PPP4R3B: variants seen among roughly 807,000 people sequenced by gnomAD.
PPP4R3B encodes the protein protein phosphatase 4 regulatory subunit 3B.
PPP4R3B carries 52 observed loss-of-function variants against 95.4 expected under a neutral mutation model. The observed-to-expected ratio is 0.54, with a 90% CI of 0.44 to 0.69. The LOEUF is 0.69. Among genes scored for constraint, PPP4R3B ranks in the 30% least tolerant of loss-of-function variants. The pLI is 0.00. For synonymous variants in PPP4R3B, 407 were observed against 343.9 expected, an observed-to-expected ratio of 1.18 and a Z score of -2.03; for missense variants, 1,003 against 1,005.9, an observed-to-expected ratio of 1.00 and a Z score of 0.04.
chr2:55,589,985 T>C (rs1193495069), intron 4 of PPP4R3B, among the ~76,000 whole-genome samples: 1 of 144,450 alleles, frequency 6.9e-6, no homozygotes, highest in African/African-American at 2.5e-5. Context: ...ATATATTTAA[T>C]ATATTATATA....
At chr2:55,607,388 C>T (rs1216990377) in intron 2 of PPP4R3B, among the ~76,000 whole-genome samples, 3 of 152,200 alleles carry the variant, frequency 2.0e-5, no homozygotes, top group Non-Finnish European at 4.4e-5. Flanking sequence ...CTGTTTCCAA[C>T]CAAACGGCTA....
intron 2 of PPP4R3B, among the ~76,000 whole-genome samples, chr2:55,613,090 G>A (rs1274442293): frequency 6.6e-6 from 1 of 152,074 alleles, no homozygotes; most frequent in African/African-American, 2.4e-5. Flanking sequence ...CAGCCTAAGG[G>A]ACAGAAGAAG....
intron 4 of PPP4R3B, among the ~76,000 whole-genome samples, chr2:55,589,189 C>T (rs1215318208): frequency 6.6e-6 from 1 of 152,196 alleles, no homozygotes; most frequent in Non-Finnish European, 1.5e-5. Flanking sequence ...CTACAAATAA[C>T]TCTCTGGAAA....
intron 3 of PPP4R3B, among the ~76,000 whole-genome samples, chr2:55,600,770 T>C (rs1290745821): frequency 1.3e-5 from 2 of 150,340 alleles, no homozygotes; most frequent in South Asian, 2.1e-4. Flanking sequence ...AAAAATAAAA[T>C]TTAAAAAAAC....
In PPP4R3B at chr2:55,560,778, GAAAAAAAAAAAA is replaced by G. The variant is rs545517387; in HGVS notation, c.2261-1822_2261-1811del. 8.8e-5 allele frequency among the ~76,000 whole-genome samples: 8 copies of G among 91,420 alleles called. No homozygotes were observed. In the East Asian group the frequency reaches 2.0e-3, roughly 22 times the overall value. 60.0% of individuals were successfully genotyped at this position (91,420 alleles called of 152,430 possible). ...GGCAACAGAGAGAGACTCCATCTCAGAAAAAAAAAAAAAAAAAAAAAAAAAAAAAAAAAGAGG... is the reference window on the plus strand; with the variant it reads ...GGCAACAGAGAGAGACTCCATCTCAGAAAAAAAAAAAAAAAAAAAAAGAGG... On this transcript the variant is annotated intron_variant, in intron 15 of 16. Transcript: ENST00000616407.
intron 4 of PPP4R3B, among the ~76,000 whole-genome samples, chr2:55,595,540 TAA>T (rs1361411284): frequency 6.6e-6 from 1 of 151,830 alleles, no homozygotes; most frequent in Non-Finnish European, 1.5e-5. Context: ...CATTTTAAAA[TAA>T]GTCATTTTAT....
chr2:55,583,564 T>C (rs1173052673), intron 7 of PPP4R3B, among the ~76,000 whole-genome samples: 3 of 152,220 alleles, frequency 2.0e-5, no homozygotes, highest in Non-Finnish European at 1.5e-5. Flanking sequence ...TTATGATAAA[T>C]GCCTTTAATC....
chr2:55,579,878 C>A, intron 8 of PPP4R3B, 97 bp from the exon 9 acceptor site: 2 of 651,098 alleles, frequency 3.1e-6, no homozygotes, highest in South Asian at 2.4e-5. Flanking sequence ...CAAACCAAAA[C>A]AAAAAGAATT....
chr2:55,562,404 GAGA>G (rs1686748411), intron 15 of PPP4R3B, among the ~76,000 whole-genome samples: 1 of 152,124 alleles, frequency 6.6e-6, no homozygotes. Context: ...CCTGGGCAAT[GAGA>G]AGGAGACTCC....
rs977052037 is a variant in PPP4R3B, at chr2:55,598,213, C to A, written c.921+203G>T. 3.3e-5 allele frequency among the ~76,000 whole-genome samples: 5 copies of A among 152,134 alleles called. No individual in the cohort carries two copies. The East Asian group carries it at 9.6e-4, about 29-fold the overall frequency. ...CCAGCCTGGGCGACAGAACGAGACT[C>A]CGACTCAAAAAAATAAATAAAAGGT... is the stretch of plus-strand genomic sequence containing the variant. On this transcript the variant is annotated intron_variant, in intron 4 of 16. Transcript: ENST00000616407.
intron 4 of PPP4R3B, chr2:55,591,482 A>G: frequency 1.0e-6 from 1 of 968,190 alleles, no homozygotes; most frequent in African/African-American, 1.8e-5. Flanking sequence ...ATTTTAGGTT[A>G]GGGTGAGTAA....
intron 13 of PPP4R3B, among the ~76,000 whole-genome samples, chr2:55,566,882 T>G (rs1431544698): frequency 6.6e-6 from 1 of 152,156 alleles, no homozygotes; most frequent in Admixed American, 6.5e-5. Context: ...AGTGCATGCC[T>G]GTAGTTCCAA....
At chr2:55,615,405 T>C (rs1223401386) in intron 2 of PPP4R3B, 46 bp downstream of exon 2, 3 of 1,352,562 alleles carry the variant, frequency 2.2e-6, no homozygotes, top group Non-Finnish European at 3.1e-6. Flanking sequence ...AATACTTCCT[T>C]GATCACAGAT....
chr2:55,585,721 G>A (rs1690046142), intron 6 of PPP4R3B, among the ~76,000 whole-genome samples: 1 of 152,080 alleles, frequency 6.6e-6, no homozygotes, highest in South Asian at 2.1e-4. Flanking sequence ...CACATGAAGA[G>A]TACATGACTT....
chr2:55,574,925 T>C (rs1298184512), intron 11 of PPP4R3B, among the ~76,000 whole-genome samples: 1 of 144,106 alleles, frequency 6.9e-6, no homozygotes, highest in East Asian at 2.1e-4. Flanking sequence ...TATAATTTCA[T>C]ATACAACTTC....
chr2:55,555,912 T>C lies in PPP4R3B; in HGVS notation c.2454+2863A>G, dbSNP rs563391721. On this transcript the variant is annotated intron_variant, in intron 16 of 16. Coordinates refer to ENST00000616407, the MANE Select transcript of PPP4R3B (RefSeq NM_001122964.3). ...AGTATCCACAAATGGCTTCTCATTCTGATTTTATATTTTTCCTCATAGAAA... is the reference window on the plus strand; with the variant it reads ...AGTATCCACAAATGGCTTCTCATTCCGATTTTATATTTTTCCTCATAGAAA... Among the ~76,000 whole-genome samples the C allele has an allele frequency of 1.6e-4, 24 of 152,360 alleles. No individual in the cohort carries two copies. The East Asian group carries it at 4.4e-3, about 28-fold the overall frequency.
intron 3 of PPP4R3B, among the ~76,000 whole-genome samples, chr2:55,600,246 G>A (rs548762154): frequency 1.3e-5 from 2 of 152,102 alleles, no homozygotes; most frequent in East Asian, 3.9e-4. Context: ...GACCAACATG[G>A]AGAAACCCTG....
chr2:55,561,127 C>T (rs1459039033), intron 15 of PPP4R3B, among the ~76,000 whole-genome samples: 3 of 152,148 alleles, frequency 2.0e-5, no homozygotes, highest in African/African-American at 4.8e-5. Context: ...GGTGCTGCAG[C>T]TCCAGCCATG....
chr2:55,585,544 A>C (rs1690024536), intron 6 of PPP4R3B, among the ~76,000 whole-genome samples: 1 of 152,164 alleles, frequency 6.6e-6, no homozygotes, highest in Non-Finnish European at 1.5e-5. Context: ...AGTCTTCCAG[A>C]ATCTGCCTTT....
Sources: allele counts gnomAD v4.1 joint callset (sites outside exome capture counted in the v4.1 genomes callset), GRCh38; gene constraint gnomAD v4.1.1; transcripts MANE v1.5; gene names NCBI Gene and HGNC (gene_info 2026-07-23, HGNC 2026-07-21).